HECW1: variants seen among roughly 807,000 people sequenced by gnomAD.
The protein encoded by HECW1 is E3 ubiquitin-protein ligase HECW1.
HECW1 carries 61 observed loss-of-function variants against 182.3 expected under a neutral mutation model. The observed-to-expected ratio is 0.33, with a 90% CI of 0.27 to 0.41. HECW1 has a LOEUF of 0.41. Among genes scored for constraint, HECW1 ranks in the 10% least tolerant of loss-of-function variants. The pLI is 1.00. For synonymous variants in HECW1, 859 were observed against 832.6 expected (o/e 1.03, Z -0.55); for missense variants, 1,739 against 2,108.9 (o/e 0.82, Z 3.44).
intron 2 of HECW1, among the ~76,000 whole-genome samples, chr7:43,141,380 T>A (rs28624640): frequency 0.023 from 3,531 of 152,328 alleles, 147 homozygotes; most frequent in African/African-American, 0.081. Flanking sequence ...CTCAGAGAAC[T>A]GCTGCACCTG....
At chr7:43,505,345 A>G (rs972372623) in intron 21 of HECW1, among the ~76,000 whole-genome samples, 1 of 152,002 alleles carries the variant, frequency 6.6e-6, no homozygotes, top group Admixed American at 6.6e-5. Flanking sequence ...ACTTCACTTC[A>G]TCTCCACTGA....
intron 24 of HECW1, among the ~76,000 whole-genome samples, chr7:43,533,557 C>T (rs2081069506): frequency 6.6e-6 from 1 of 152,118 alleles, no homozygotes; most frequent in Non-Finnish European, 1.5e-5. Flanking sequence ...AATGTGTGAA[C>T]CCCCAAAATT....
chr7:43,138,987 G>T (rs983911721), intron 2 of HECW1, among the ~76,000 whole-genome samples: 3 of 150,952 alleles, frequency 2.0e-5, no homozygotes, highest in Admixed American at 6.6e-5. Context: ...TGGTTTTTTT[G>T]TTTGTTTGTT....
chr7:43,150,734 G>A (rs1789213730), intron 2 of HECW1, among the ~76,000 whole-genome samples: 1 of 152,208 alleles, frequency 6.6e-6, no homozygotes, highest in East Asian at 1.9e-4. Context: ...TCAGTGCTTT[G>A]TGATCCTCCG....
intron 4 of HECW1, among the ~76,000 whole-genome samples, chr7:43,317,829 G>T (rs1411224231): frequency 6.6e-6 from 1 of 151,730 alleles, no homozygotes; most frequent in Non-Finnish European, 1.5e-5. Context: ...GTGTGTGTGT[G>T]TGTGTGTGTG....
chr7:43,369,130 C>T (rs1302364265), intron 6 of HECW1, among the ~76,000 whole-genome samples: 1 of 152,106 alleles, frequency 6.6e-6, no homozygotes, highest in Non-Finnish European at 1.5e-5. Flanking sequence ...ACTTCTGTCA[C>T]AGGAAATATA....
intron 6 of HECW1, among the ~76,000 whole-genome samples, chr7:43,388,487 G>A (rs781231567): frequency 6.6e-6 from 1 of 152,206 alleles, no homozygotes; most frequent in African/African-American, 2.4e-5. Flanking sequence ...AGACTTATGA[G>A]TGGTGTACTG....
chr7:43,407,676 A>C lies in HECW1; in HGVS notation c.746A>C (p.Gln249Pro), dbSNP rs768209619. 1 of 1,613,834 alleles carries C rather than the reference A, an allele frequency of 6.2e-7. No individual in the cohort carries two copies. The highest frequency in any genetic ancestry group is 8.5e-7 in the Non-Finnish European group (1 of 1,179,808). Residue 249 changes from glutamine (Q) to proline (P), a missense_variant, in exon 8 of 30, where the codon CAG becomes CCG. Physicochemically the swap from Gln to Pro is moderately conservative, Grantham distance 76. This residue lies in a region of HECW1 where 279 missense variants were observed against 353.1 expected (regional missense o/e 0.79). Transcript: ENST00000395891. ...TTCCCCGCCCTCCCTCACCATGGAC[A>C]GGAGAGGAGATCCAAGATCATAGGC... ...SIFPALPHHG[Q>P]ERRSKIIGNT...
intron 3 of HECW1, among the ~76,000 whole-genome samples, chr7:43,298,540 A>T (rs1019019251): frequency 2.0e-5 from 3 of 152,218 alleles, no homozygotes; most frequent in African/African-American, 7.2e-5. Context: ...TTTATCTCTG[A>T]TAACCGATGG....
intron 3 of HECW1, among the ~76,000 whole-genome samples, chr7:43,273,738 T>TA (rs906881403): frequency 2.0e-5 from 3 of 152,080 alleles, no homozygotes; most frequent in South Asian, 2.1e-4. Context: ...TTTTGTAAGT[T>TA]AAAAAAATAA....
chr7:43,344,173 G>A (rs1190614025), intron 5 of HECW1, among the ~76,000 whole-genome samples: 1 of 151,598 alleles, frequency 6.6e-6, no homozygotes, highest in Non-Finnish European at 1.5e-5. Context: ...TTGTCAGATG[G>A]GTAGATTGCA....
chr7:43,235,817 C>T (rs995265168), intron 2 of HECW1, among the ~76,000 whole-genome samples: 1 of 152,022 alleles, frequency 6.6e-6, no homozygotes. Flanking sequence ...CCAGCACACT[C>T]CCCTGGGCCC....
intron 2 of HECW1, among the ~76,000 whole-genome samples, chr7:43,234,293 C>T (rs1798119886): frequency 6.6e-6 from 1 of 152,230 alleles, no homozygotes; most frequent in Admixed American, 6.5e-5. Flanking sequence ...CAGAGAGCCC[C>T]TGCTCGCTGC....
chr7:43,245,711 G>A (rs1418727902), intron 3 of HECW1: 1 of 152,236 alleles, frequency 6.6e-6, no homozygotes. Context: ...TGAGAGAGAA[G>A]ACTGGGATCC....
intron 6 of HECW1, among the ~76,000 whole-genome samples, chr7:43,369,675 T>C (rs1817088037): frequency 6.6e-6 from 1 of 152,116 alleles, no homozygotes; most frequent in Non-Finnish European, 1.5e-5. Flanking sequence ...GACATGAATA[T>C]ATCCAGTGAC....
In HECW1 at chr7:43,444,678, G is replaced by A. The variant is rs754205666; in HGVS notation, c.1506G>A (p.Glu502=). ...AGAGCCGGGCTGGAAGGGAAGAAGA[G>A]GAGAAGGAGCAGGAGGAGGAGGGAG... The part of the protein sequence containing the change: ...TTQSRAGREE[E]EKEQEEEGDV... The change falls in exon 11 of 30, where the codon GAG becomes GAA. Residue 502 remains glutamate, a synonymous_variant. Coordinates refer to ENST00000395891, the MANE Select transcript of HECW1 (RefSeq NM_015052.5). This position sits in a 1 kb window ranked among gnomAD's most constrained non-coding sequence, Gnocchi z 4.3. The A allele has an allele frequency of 6.2e-7, 1 of 1,606,220 alleles. No individual in the cohort carries two copies. The highest frequency in any genetic ancestry group is 1.7e-5 in the Admixed American group (1 of 58,558).
intron 2 of HECW1, among the ~76,000 whole-genome samples, chr7:43,149,270 C>T (rs1562599256): frequency 6.6e-6 from 1 of 152,156 alleles, no homozygotes; most frequent in Non-Finnish European, 1.5e-5. Flanking sequence ...GTTGACATAT[C>T]GATATCACCT....
intron 2 of HECW1, among the ~76,000 whole-genome samples, chr7:43,166,761 G>T (rs1309015076): frequency 6.6e-6 from 1 of 152,184 alleles, no homozygotes; most frequent in Non-Finnish European, 1.5e-5. Context: ...CATTCTGTTG[G>T]TCAGGTGGAA....
At chr7:43,535,557 G>A (rs1044079696) in intron 24 of HECW1, among the ~76,000 whole-genome samples, 3 of 152,104 alleles carry the variant, frequency 2.0e-5, no homozygotes, top group African/African-American at 7.2e-5. Flanking sequence ...ATGAGCAGAA[G>A]GATAAGGATG....
Sources: allele counts gnomAD v4.1 joint callset (sites outside exome capture counted in the v4.1 genomes callset), GRCh38; gene constraint gnomAD v4.1.1; regional missense constraint gnomAD v4.1.1; non-coding constraint Gnocchi (gnomAD v3.1); transcripts MANE v1.5; gene names NCBI Gene and HGNC (gene_info 2026-07-23, HGNC 2026-07-21).